Variants in CELSR1 observed in about 807,000 individuals in gnomAD.
The protein encoded by CELSR1 is cadherin EGF LAG seven-pass G-type receptor 1.
A neutral mutation model predicts 249.1 loss-of-function variants in CELSR1; 110 were observed. The observed-to-expected ratio is 0.44, with a 90% CI of 0.38 to 0.52. The LOEUF is 0.52. Among genes scored for constraint, CELSR1 ranks in the 20% least tolerant of loss-of-function variants. The pLI, the probability that CELSR1 is intolerant of heterozygous loss-of-function variation, is 0.00. For missense variants in CELSR1, 4,109 were observed against 4,296.4 expected (o/e 0.96, Z 1.22); for synonymous variants, 2,113 against 1,900.0 (o/e 1.11, Z -2.92).
At position 46,399,296 on chromosome 22, in the gene CELSR1, G is replaced by A. The variant is rs777244010; in HGVS notation, c.5412+421C>T. Among the ~76,000 whole-genome samples the A allele has an allele frequency of 2.6e-5, 4 of 152,318 alleles. No individual in the cohort carries two copies. Among genetic ancestry groups the A allele is most frequent in the Non-Finnish European group, 5.9e-5 (4 of 68,022 alleles). ...TGGCTCCCTGGTGTCTCACAGGCCT[G>A]TCCAGGACCTGGGTCTCACTGCTCT... On this transcript the variant is annotated intron_variant, in intron 10 of 34. Transcript: ENST00000674500. The surrounding 1 kb of genome is among the most constrained non-coding windows in gnomAD (Gnocchi z 5.0).
In CELSR1 at chr22:46,412,972, CA is replaced by C. The variant is rs1263418284; in HGVS notation, c.4612-1214del. On this transcript the variant is annotated intron_variant, in intron 5 of 34. Coordinates refer to ENST00000674500, the MANE Select transcript of CELSR1 (RefSeq NM_001378328.1). The surrounding 1 kb of genome is among the most constrained non-coding windows in gnomAD (Gnocchi z 4.5). Reference sequence around the variant, plus strand: ...CGCAGCAGAGCCTCCCCCTCCACCCCAGAGAGAACCTTTTCTTCCAGTCCCA... The same window carrying C: ...CGCAGCAGAGCCTCCCCCTCCACCCCGAGAGAACCTTTTCTTCCAGTCCCA... 2.6e-5 allele frequency among the ~76,000 whole-genome samples: 4 copies of C among 152,208 alleles called. No homozygotes were observed. Among genetic ancestry groups the C allele is most frequent in the African/African-American group, 7.2e-5 (3 of 41,446 alleles).
chr22:46,373,683 G>C, intron 24 of CELSR1, among the ~76,000 whole-genome samples: 1 of 122,440 alleles, frequency 8.2e-6, no homozygotes, highest in African/African-American at 3.4e-5. Flanking sequence ...AGATGGGGGA[G>C]ATGGGGGAGA....
chr22:46,383,135 G>A (rs576464014), intron 20 of CELSR1, among the ~76,000 whole-genome samples: 1 of 152,298 alleles, frequency 6.6e-6, no homozygotes, highest in African/African-American at 2.4e-5. Flanking sequence ...CACTCTATTA[G>A]TTCCAGAGAG....
At chr22:46,496,088 G>A (rs1283206647) in intron 1 of CELSR1, among the ~76,000 whole-genome samples, 1 of 151,620 alleles carries the variant, frequency 6.6e-6, no homozygotes, top group African/African-American at 2.4e-5. Context: ...TAGCTACTCG[G>A]GAGGCTGAGG....
At position 46,456,661 on chromosome 22, in the gene CELSR1, TAAAAAAAAA is replaced by T. The variant is rs556357746; in HGVS notation, c.4183+7037_4183+7045del. Among the ~76,000 whole-genome samples the T allele has an allele frequency of 7.8e-4, 47 of 60,284 alleles. 1 individual carries two copies. In the East Asian group the frequency reaches 0.016, roughly 20 times the overall value. The allele number at this position is 60,284 out of a possible 152,430, so 39.5% of individuals were successfully genotyped here. ...CTGGGCGACAGAGCGAGACTCTGTCTAAAAAAAAAAAAAAAAAAAAAAAAAAGAGAACCC... is the reference window on the plus strand; with the variant it reads ...CTGGGCGACAGAGCGAGACTCTGTCTAAAAAAAAAAAAAAAAAGAGAACCC... On this transcript the variant is annotated intron_variant, in intron 2 of 34. Transcript: ENST00000674500.
At chr22:46,422,169 G>C (rs9615365) in intron 5 of CELSR1, among the ~76,000 whole-genome samples, 2 of 151,810 alleles carry the variant, frequency 1.3e-5, no homozygotes, top group Non-Finnish European at 2.9e-5. Flanking sequence ...GCAGTGGCAC[G>C]GTCTTGGCTC....
chr22:46,462,109 C>T lies in CELSR1; in HGVS notation c.4183+1598G>A, dbSNP rs571962307. Reference sequence around the variant, plus strand: ...AGGCGGGGGTCTCCCGCCGCCTCTGCCTGCCTGCCTGCCTTGCCCACAGCC... The same window carrying T: ...AGGCGGGGGTCTCCCGCCGCCTCTGTCTGCCTGCCTGCCTTGCCCACAGCC... On this transcript the variant is annotated intron_variant, in intron 2 of 34. Coordinates refer to ENST00000674500, the MANE Select transcript of CELSR1 (RefSeq NM_001378328.1). Among the ~76,000 whole-genome samples, 6 of 152,324 alleles carry T rather than the reference C, an allele frequency of 3.9e-5. No homozygotes were observed. In the South Asian group the frequency reaches 1.0e-3, roughly 26 times the overall value.
Position 46,464,092 on chromosome 22 carries a change from C to A in CELSR1, c.3798G>T (p.Leu1266=), listed in dbSNP as rs989502834. The part of the protein sequence containing the change: ...NILNVTFSAL[L]PGGVRGQFFP... ...AGAACTGGCCGCGGACGCCGCCAGG[C>A]AGCAGCGCCGAGAAGGTCACGTTCA... The change falls in exon 2 of 35, where the codon CTG becomes CTT. Residue 1266 remains leucine, a synonymous_variant. Coordinates refer to ENST00000674500, the MANE Select transcript of CELSR1 (RefSeq NM_001378328.1). The surrounding 1 kb of genome is among the most constrained non-coding windows in gnomAD (Gnocchi z 8.5). 2.5e-6 allele frequency: 4 copies of A among 1,613,730 alleles called. No individual in the cohort carries two copies. In the African/African-American group the frequency reaches 5.3e-5, roughly 22 times the overall value.
At chr22:46,414,141 C>T (rs1433706092) in intron 5 of CELSR1, among the ~76,000 whole-genome samples, 1 of 152,210 alleles carries the variant, frequency 6.6e-6, no homozygotes, top group Non-Finnish European at 1.5e-5. Context: ...TCATGTGAGA[C>T]ACCCACTGCT....
intron 14 of CELSR1, among the ~76,000 whole-genome samples, chr22:46,392,432 C>T (rs1306914250): frequency 1.3e-5 from 2 of 152,320 alleles, no homozygotes; most frequent in East Asian, 1.9e-4. Context: ...GTGGGGACTC[C>T]GACTGTGTGT....
Position 46,410,524 on chromosome 22 carries a change from C to T in CELSR1, c.4807G>A (p.Val1603Ile). Reference protein sequence around the residue: ...DLTGPLLLGGVPNLPEDFPVH... With the variant: ...DLTGPLLLGGIPNLPEDFPVH... ...GGGAAGTCTTCTGGCAGGTTGGGGA[C>T]ACCCCCCAGGAGTAGAGGGCCGGTC... Residue 1603 changes from valine (V) to isoleucine (I), a missense_variant, in exon 7 of 35, where the codon GTC becomes ATC. By Grantham distance (29) the Val-to-Ile change is conservative. Around this residue, in one of 7 missense-constraint regions of CELSR1, gnomAD observed 453 missense variants for 492.0 expected, o/e 0.92. Coordinates refer to ENST00000674500, the MANE Select transcript of CELSR1 (RefSeq NM_001378328.1). The surrounding 1 kb of genome is among the most constrained non-coding windows in gnomAD (Gnocchi z 6.8). 6.2e-7 allele frequency: 1 copy of T among 1,614,026 alleles called. No homozygotes were observed. Among genetic ancestry groups the T allele is most frequent in the East Asian group, 2.2e-5 (1 of 44,868 alleles).
At chr22:46,442,379 C>A (rs753107212) in intron 2 of CELSR1, among the ~76,000 whole-genome samples, 2 of 152,218 alleles carry the variant, frequency 1.3e-5, no homozygotes, top group African/African-American at 2.4e-5. Flanking sequence ...GACTGCCCAA[C>A]GCAGGCCATC....
intron 3 of CELSR1, among the ~76,000 whole-genome samples, chr22:46,438,874 C>T (rs2079700303): frequency 6.6e-6 from 1 of 152,204 alleles, no homozygotes; most frequent in Non-Finnish European, 1.5e-5. Flanking sequence ...TCTCTTGTCT[C>T]AGCCTCCTGA....
intron 1 of CELSR1, among the ~76,000 whole-genome samples, chr22:46,524,377 C>T (rs1268898122): frequency 7.2e-5 from 11 of 152,180 alleles, no homozygotes; most frequent in Non-Finnish European, 1.3e-4. Flanking sequence ...GCTTGGGACA[C>T]GCGTAAGCCT....
At chr22:46,493,841 C>T (rs2080390282) in intron 1 of CELSR1, among the ~76,000 whole-genome samples, 1 of 152,150 alleles carries the variant, frequency 6.6e-6, no homozygotes, top group African/African-American at 2.4e-5. Context: ...GATTGTGAGG[C>T]CTCCCCAGCC....
At chr22:46,452,123 G>A (rs927679698) in intron 2 of CELSR1, among the ~76,000 whole-genome samples, 4 of 152,138 alleles carry the variant, frequency 2.6e-5, no homozygotes, top group African/African-American at 9.7e-5. Flanking sequence ...GTTATTTTCA[G>A]CGCCCCGGTT....
intron 1 of CELSR1, among the ~76,000 whole-genome samples, chr22:46,486,539 C>A (rs533104172): frequency 6.7e-6 from 1 of 149,986 alleles, no homozygotes; most frequent in East Asian, 2.0e-4. Context: ...CAGACTGAGA[C>A]TCTGTCTCAA....
intron 1 of CELSR1, among the ~76,000 whole-genome samples, chr22:46,504,828 T>A (rs953085420): frequency 1.3e-5 from 2 of 152,002 alleles, no homozygotes; most frequent in Non-Finnish European, 1.5e-5. Context: ...CAAAAGTTAC[T>A]CACACACACA....
Position 46,537,445 on chromosome 22 carries a change from TGCGGCG to T in CELSR1, c.-281_-276del, listed in dbSNP as rs540684778. ...CCCGGGAGGGCGCCGCGCATCAACC[TGCGGCG>T]GCGGCGGCGGCTCCAGGCGGCTCCA... On this transcript the variant is annotated 5_prime_UTR_variant, in exon 1 of 35. Transcript: ENST00000674500. The surrounding 1 kb of genome is among the most constrained non-coding windows in gnomAD (Gnocchi z 5.8). Among the ~76,000 whole-genome samples, 2 of 141,812 alleles carry T rather than the reference TGCGGCG, an allele frequency of 1.4e-5. No homozygotes were observed. The highest frequency in any genetic ancestry group is 5.2e-5 in the African/African-American group (2 of 38,716). The allele number at this position is 141,812 out of a possible 152,430, so 93.0% of individuals were successfully genotyped here. A position where few individuals can be genotyped will look rare whatever the true frequency, so the allele number is the denominator to read the frequency against.
Sources: gnomAD v4.1 joint callset for allele counts (sites outside exome capture counted in the v4.1 genomes callset) on GRCh38, gnomAD v4.1.1 for gene constraint, gnomAD v4.1.1 regional missense constraint, Gnocchi (gnomAD v3.1) non-coding constraint, MANE v1.5 for transcripts, NCBI Gene and HGNC (gene_info 2026-07-23, HGNC 2026-07-21) for gene names.